Variants in CAPN9 observed in about 807,000 individuals in gnomAD.
CAPN9 encodes the protein calpain-9.
A neutral mutation model predicts 92.8 loss-of-function variants in CAPN9; 81 were observed. The ratio of observed to expected loss-of-function variants is 0.87; its 90% CI spans 0.73 to 1.05. The LOEUF (loss-of-function observed/expected upper bound fraction) is 1.05, where lower values mean the gene tolerates loss of function less well. CAPN9 is among the 50% of genes least tolerant of loss of function. The pLI, the probability that CAPN9 is intolerant of heterozygous loss-of-function variation, is 0.00. For missense variants in CAPN9, 848 were observed against 866.2 expected (o/e 0.98, Z 0.26); for synonymous variants, 304 against 328.0 (o/e 0.93, Z 0.79).
intron 4 of CAPN9, among the ~76,000 whole-genome samples, chr1:230,765,797 T>C (rs957191214): frequency 2.0e-5 from 3 of 152,328 alleles, no homozygotes; most frequent in Admixed American, 1.3e-4. Flanking sequence ...TGTAGAATAA[T>C]TCCAAATAAA....
intron 8 of CAPN9, among the ~76,000 whole-genome samples, chr1:230,778,418 T>C (rs1207711374): frequency 1.3e-5 from 2 of 152,216 alleles, no homozygotes; most frequent in African/African-American, 4.8e-5. Flanking sequence ...GACTCCTCTG[T>C]TTACTGCCTT....
At chr1:230,755,540 C>T (rs1665168607) in intron 2 of CAPN9, 134 bp downstream of exon 2, 3 of 621,390 alleles carry the variant, frequency 4.8e-6, no homozygotes, top group Non-Finnish European at 8.4e-6. Context: ...CCTCTGCTTC[C>T]TCACTCCCTC....
rs775216479 is a variant in CAPN9, at chr1:230,798,164, G to T, written c.1990G>T (p.Val664Leu). 8 of 1,607,036 alleles carry T rather than the reference G, an allele frequency of 5.0e-6. No individual in the cohort carries two copies. The South Asian group carries it at 8.8e-5, about 18-fold the overall frequency. ...CLVRLENASR[V>L]FQALSTKNKE... ...CTTTCCCCCTTCTCTCCTATCAGGG[G>T]TGTTCCAGGCTCTCAGTACAAAGAA... Residue 664 changes from valine (V) to leucine (L), a missense_variant and splice_region_variant, in exon 19 of 20, where the codon GTG (valine) becomes TTG (leucine). By Grantham distance (32) the Val-to-Leu change is conservative. Transcript: ENST00000271971.
At chr1:230,762,465 A>G (rs1299437025) in intron 3 of CAPN9, among the ~76,000 whole-genome samples, 188 bp from the exon 4 acceptor site, 1 of 152,212 alleles carries the variant, frequency 6.6e-6, no homozygotes, top group Middle Eastern at 3.2e-3. Context: ...GCTGGGTGGA[A>G]TACTCAGCTT....
intron 1 of CAPN9, 82 bp downstream of exon 1, chr1:230,747,791 G>A (rs974608312): frequency 1.3e-5 from 16 of 1,253,828 alleles, no homozygotes; most frequent in African/African-American, 5.9e-5. Flanking sequence ...AGGGGTGCTG[G>A]GGAGGGGCCG....
chr1:230,790,227 G>T (rs1239484402), intron 14 of CAPN9, 38 bp downstream of exon 14: 2 of 1,612,158 alleles, frequency 1.2e-6, no homozygotes, highest in African/African-American at 2.7e-5. Context: ...GGGCACCTAT[G>T]GAGGGACAAG....
At chr1:230,796,718 T>C (rs774047973) in intron 18 of CAPN9, among the ~76,000 whole-genome samples, 1 of 152,174 alleles carries the variant, frequency 6.6e-6, no homozygotes, top group African/African-American at 2.4e-5. Context: ...TACAGGGTGG[T>C]CAGAGCTGAC....
chr1:230,762,653 T>C lies in CAPN9; in HGVS notation c.403T>C (p.Phe135Leu). 1 of 1,613,794 alleles carries C rather than the reference T, an allele frequency of 6.2e-7. No individual in the cohort carries two copies. Among genetic ancestry groups the C allele is most frequent in the Non-Finnish European group, 8.5e-7 (1 of 1,179,842 alleles). Residue 135 changes from phenylalanine to leucine, a missense_variant and splice_region_variant, in exon 4 of 20, where the codon TTC (phenylalanine) becomes CTC (leucine). By Grantham distance (22) the Phe-to-Leu change is conservative. Coordinates refer to ENST00000271971, the MANE Select transcript of CAPN9 (RefSeq NM_006615.3). The part of the protein sequence containing the change: ...PGYAGIFHFQ[F>L]WQHSEWLDVV... ...TTTCTGTCTTTTTCCTGGGCAACAG[T>C]TCTGGCAGCACAGTGAGTGGCTGGA...
chr1:230,757,016 G>C (rs1267490385), intron 2 of CAPN9, among the ~76,000 whole-genome samples: 1 of 45,418 alleles, frequency 2.2e-5, no homozygotes, highest in Non-Finnish European at 5.2e-5. Context: ...GAGGATGGAA[G>C]GAAGGAAGGA....
intron 14 of CAPN9, among the ~76,000 whole-genome samples, chr1:230,791,237 T>G (rs902925922): frequency 2.0e-5 from 3 of 152,234 alleles, no homozygotes; most frequent in Admixed American, 6.5e-5. Flanking sequence ...CTCCTGGGTA[T>G]ATAGTTATGA....
chr1:230,801,191 G>A (rs964517338), intron 19 of CAPN9, among the ~76,000 whole-genome samples: 3 of 152,086 alleles, frequency 2.0e-5, no homozygotes, highest in Non-Finnish European at 4.4e-5. Context: ...CCTCCAGGGT[G>A]GAGGGCCACC....
At chr1:230,777,449 G>A (rs538084260) in intron 8 of CAPN9, among the ~76,000 whole-genome samples, 1 of 152,032 alleles carries the variant, frequency 6.6e-6, no homozygotes, top group East Asian at 1.9e-4. Context: ...GCTCTAGGAT[G>A]TACCTCCTGC....
intron 1 of CAPN9, among the ~76,000 whole-genome samples, chr1:230,749,214 G>T (rs1264176968): frequency 6.6e-6 from 1 of 152,230 alleles, no homozygotes; most frequent in Non-Finnish European, 1.5e-5. Context: ...GCCACGCTGT[G>T]ATTGTTTTTG....
chr1:230,798,854 G>A (rs1043104901), intron 19 of CAPN9, among the ~76,000 whole-genome samples: 3 of 152,164 alleles, frequency 2.0e-5, no homozygotes, highest in African/African-American at 4.8e-5. Flanking sequence ...AGAGTGCCAG[G>A]CCCTGCCCCA....
At position 230,772,100 on chromosome 1, in the gene CAPN9, G is replaced by A; in HGVS notation, c.875+1G>A. ...AGTGGAACGGGTCGTGGAGCGACAG[G>A]TCAGTCACCCTATCCTGCCTCTCTG... is the stretch of plus-strand genomic sequence containing the variant. On this transcript the variant is annotated splice_donor_variant, in intron 7 of 19. Transcript: ENST00000271971. LOFTEE classifies it high-confidence loss of function. 1 of 1,613,930 alleles carries A rather than the reference G, an allele frequency of 6.2e-7. No homozygotes were observed. Among genetic ancestry groups the A allele is most frequent in the Non-Finnish European group, 8.5e-7 (1 of 1,179,766 alleles).
chr1:230,800,284 AAGAAAGAAAG>A (rs1668631894), intron 19 of CAPN9, among the ~76,000 whole-genome samples: 3 of 127,518 alleles, frequency 2.4e-5, no homozygotes. Flanking sequence ...GAAAGAAAGA[AAGAAAGAAAG>A]AAAGAAAGAA....
At chr1:230,748,652 T>G (rs1438216747) in intron 1 of CAPN9, among the ~76,000 whole-genome samples, 1 of 152,176 alleles carries the variant, frequency 6.6e-6, no homozygotes, top group East Asian at 1.9e-4. Context: ...AGGTTTCCAG[T>G]ACATTACAGC....
chr1:230,789,500 A>AAAAAAAAAAAAAAAAAAAG (rs200162449), intron 13 of CAPN9, among the ~76,000 whole-genome samples: 1 of 138,176 alleles, frequency 7.2e-6, no homozygotes, highest in African/African-American at 2.8e-5. Context: ...AAAAAAAAAA[A>AAAAAAAAAAAAAAAAAAAG]GCCTGAGTCT....
At chr1:230,776,259 A>G (rs1404339126) in intron 8 of CAPN9, 1 of 152,186 alleles carries the variant, frequency 6.6e-6, no homozygotes, top group Non-Finnish European at 1.5e-5. Flanking sequence ...GGCCTCTTTT[A>G]TAATGGCACT....
Sources: gnomAD v4.1 joint callset for allele counts (sites outside exome capture counted in the v4.1 genomes callset) on GRCh38, gnomAD v4.1.1 for gene constraint, MANE v1.5 for transcripts, NCBI Gene and HGNC (gene_info 2026-07-23, HGNC 2026-07-21) for gene names.